The following CCDC150 variants were observed in gnomAD, a reference collection of about 807,000 sequenced individuals.
CCDC150 encodes coiled-coil domain containing 150.
Under a neutral mutation model 156.5 loss-of-function variants are expected in CCDC150, and 151 were observed. The observed-to-expected ratio is 0.97, with a 90% CI of 0.85 to 1.10. The LOEUF is 1.10. Ranked by LOEUF, CCDC150 falls within the 50% of genes least tolerant of loss-of-function variation. The pLI is 0.00. For missense variants in CCDC150, 1,312 were observed against 1,268.1 expected (o/e 1.03, Z -0.53); for synonymous variants, 452 against 429.4 (o/e 1.05, Z -0.65).
chr2:196,673,203 A>G (rs1217730504), intron 9 of CCDC150, among the ~76,000 whole-genome samples: 5 of 152,194 alleles, frequency 3.3e-5, no homozygotes, highest in African/African-American at 1.2e-4. Flanking sequence ...CAGGCACCTT[A>G]TATTAGTAAC....
rs1334872133 is a variant in CCDC150 at position 196,692,129 on chromosome 2, T to A, written c.1510-2917T>A. Among the ~76,000 whole-genome samples the A allele has an allele frequency of 1.0e-3, 142 of 136,260 alleles. No homozygotes were observed. In the East Asian group the frequency reaches 0.02, roughly 19 times the overall value. 89.4% of individuals were successfully genotyped at this position (136,260 alleles called of 152,430 possible). The stretch of plus-strand genomic sequence containing the variant: ...TGTAAACTTGAGATCTAATTTTTTT[T>A]TTTTTTTTTTTTTTTTGAGACGGAG... On this transcript the variant is annotated intron_variant, in intron 13 of 27. Coordinates refer to ENST00000389175, the MANE Select transcript of CCDC150 (RefSeq NM_001080539.2).
intron 15 of CCDC150, among the ~76,000 whole-genome samples, chr2:196,711,684 G>A (rs1394379069): frequency 6.6e-6 from 1 of 152,024 alleles, no homozygotes; most frequent in African/African-American, 2.4e-5. Flanking sequence ...TATTGTGTCA[G>A]TGAAACACAA....
At chr2:196,694,575 A>G (rs1695698368) in intron 13 of CCDC150, among the ~76,000 whole-genome samples, 1 of 152,182 alleles carries the variant, frequency 6.6e-6, no homozygotes, top group Admixed American at 6.6e-5. Flanking sequence ...TAAAAACATT[A>G]TAGAGTGGCT....
chr2:196,657,812 T>A (rs1693313620), intron 4 of CCDC150, among the ~76,000 whole-genome samples: 1 of 152,228 alleles, frequency 6.6e-6, no homozygotes, highest in African/African-American at 2.4e-5. Context: ...CCCCATTTTT[T>A]AACAATGATA....
chr2:196,703,746 A>T (rs559874168), intron 15 of CCDC150, among the ~76,000 whole-genome samples: 7 of 152,198 alleles, frequency 4.6e-5, no homozygotes, highest in Admixed American at 4.6e-4. Flanking sequence ...TGGGAATGAA[A>T]TATATTTTAT....
Position 196,677,097 on chromosome 2 carries a change from G to C in CCDC150, c.1441-196G>C, listed in dbSNP as rs73055136. ...AACCAGCAGAGTCTGACATGCAGAC[G>C]TGTCTTTCTAATTTCAGGGCTATTT... On this transcript the variant is annotated intron_variant, in intron 12 of 27. Coordinates refer to ENST00000389175, the MANE Select transcript of CCDC150 (RefSeq NM_001080539.2). 5 of 697,898 alleles carry C rather than the reference G, an allele frequency of 7.2e-6. No homozygotes were observed. The East Asian group carries it at 1.4e-4, about 19-fold the overall frequency. 43.2% of individuals were successfully genotyped at this position (697,898 alleles called of 1,614,324 possible).
intron 1 of CCDC150, among the ~76,000 whole-genome samples, chr2:196,643,305 T>C (rs575123409): frequency 6.6e-6 from 1 of 152,314 alleles, no homozygotes; most frequent in African/African-American, 2.4e-5. Flanking sequence ...TTGCTCCTTT[T>C]TGAAAGTATA....
rs184673883 is a variant in CCDC150 at position 196,674,773 on chromosome 2, C to G, written c.1137+425C>G. Among the ~76,000 whole-genome samples the G allele has an allele frequency of 2.0e-5, 3 of 152,232 alleles. No individual in the cohort carries two copies. The East Asian group carries it at 5.8e-4, about 29-fold the overall frequency. ...AGTCACTTTCATCAGGCAGCTTGAT[C>G]ATCCCAACAGGAAGGGATAAGTTTT... On this transcript the variant is annotated intron_variant, in intron 10 of 27. Coordinates refer to ENST00000389175, the MANE Select transcript of CCDC150 (RefSeq NM_001080539.2).
At chr2:196,656,492 G>T in intron 2 of CCDC150, 141 bp from the exon 3 acceptor site, 1 of 628,738 alleles carries the variant, frequency 1.6e-6, no homozygotes. Flanking sequence ...CTATGTGGAG[G>T]GAGAGTCAGA....
chr2:196,665,834 T>A (rs778204765), intron 6 of CCDC150, among the ~76,000 whole-genome samples, 151 bp downstream of exon 6: 10 of 151,984 alleles, frequency 6.6e-5, no homozygotes, highest in Non-Finnish European at 1.3e-4. Flanking sequence ...CTTACTACAG[T>A]TTTTTTTAAG....
chr2:196,686,216 AC>A, intron 13 of CCDC150: 1 of 296,218 alleles, frequency 3.4e-6, no homozygotes. Flanking sequence ...CAAATTCAAA[AC>A]CCAGGAAAGA....
chr2:196,659,386 C>T (rs1337992840), intron 5 of CCDC150, among the ~76,000 whole-genome samples: 1 of 152,084 alleles, frequency 6.6e-6, no homozygotes, highest in African/African-American at 2.4e-5. Context: ...TGGCCTGAAA[C>T]CTCAATATTC....
At chr2:196,642,360 G>T (rs1391613077) in intron 1 of CCDC150, among the ~76,000 whole-genome samples, 1 of 152,186 alleles carries the variant, frequency 6.6e-6, no homozygotes, top group Non-Finnish European at 1.5e-5. Flanking sequence ...GAGTGTGCGT[G>T]TATTTATGTA....
chr2:196,672,030 G>A (rs1006679322), intron 8 of CCDC150, among the ~76,000 whole-genome samples: 2 of 152,210 alleles, frequency 1.3e-5, no homozygotes, highest in African/African-American at 4.8e-5. Flanking sequence ...GTGAATGAGA[G>A]TCCCTGTTGC....
intron 2 of CCDC150, among the ~76,000 whole-genome samples, chr2:196,650,361 A>T (rs1692805036): frequency 6.6e-6 from 1 of 152,226 alleles, no homozygotes; most frequent in African/African-American, 2.4e-5. Flanking sequence ...ATGGTGAATG[A>T]TCCTTTTACT....
intron 19 of CCDC150, chr2:196,720,091 A>G: frequency 2.5e-6 from 1 of 402,504 alleles, no homozygotes; most frequent in South Asian, 1.9e-5. Flanking sequence ...TAGGTGAATC[A>G]TTCTGAGAAC....
chr2:196,686,298 G>T, intron 13 of CCDC150: 1 of 178,252 alleles, frequency 5.6e-6, no homozygotes, highest in South Asian at 1.3e-4. Flanking sequence ...AGCTGGGCAA[G>T]TTCAACAACA....
chr2:196,713,532 C>T, intron 17 of CCDC150: 1 of 1,550,558 alleles, frequency 6.4e-7, no homozygotes, highest in Non-Finnish European at 8.7e-7. Flanking sequence ...TCTATGAAAA[C>T]ATCTCAGGAT....
Position 196,719,607 on chromosome 2 carries a change from G to C in CCDC150, c.2106G>C (p.Glu702Asp), listed in dbSNP as rs771970184. 2.5e-6 allele frequency: 4 copies of C among 1,613,494 alleles called. No individual in the cohort carries two copies. The South Asian group carries it at 4.4e-5, about 18-fold the overall frequency. ...ASHSKMQGALEKVQIELGRRD... is the reference protein window; with the variant it reads ...ASHSKMQGALDKVQIELGRRD... The stretch of plus-strand genomic sequence containing the variant: ...ACAGTAAGATGCAAGGTGCTCTGGA[G>C]AAAGTACAAATAGAGCTTGGGCGGA... The change falls in exon 19 of 28, where the codon GAG becomes GAC. Residue 702 changes from glutamate to aspartate, a missense_variant. By Grantham distance (45) the Glu-to-Asp change is conservative (BLOSUM62 2). Coordinates refer to ENST00000389175, the MANE Select transcript of CCDC150 (RefSeq NM_001080539.2).
Sources: allele counts gnomAD v4.1 joint callset (sites outside exome capture counted in the v4.1 genomes callset), GRCh38; gene constraint gnomAD v4.1.1; transcripts MANE v1.5; gene names NCBI Gene and HGNC (gene_info 2026-07-23, HGNC 2026-07-21).